LRRIQ3: variants seen among roughly 807,000 people sequenced by gnomAD.
LRRIQ3 encodes the protein leucine-rich repeat and IQ domain-containing protein 3.
Under a neutral mutation model 59.3 loss-of-function variants are expected in LRRIQ3, and 75 were observed. The ratio of observed to expected loss-of-function variants is 1.26; its 90% CI spans 1.05 to 1.53. The LOEUF is 1.53. Among genes scored for constraint, LRRIQ3 ranks in the 40% most tolerant of loss-of-function variants. LRRIQ3 has a pLI of 0.00. For missense variants in LRRIQ3, 831 were observed against 710.0 expected (o/e 1.17, Z -1.94); for synonymous variants, 250 against 231.3 (o/e 1.08, Z -0.73).
intron 1 of LRRIQ3, among the ~76,000 whole-genome samples, chr1:74,187,983 C>A (rs1395623669): frequency 6.6e-6 from 1 of 152,048 alleles, no homozygotes; most frequent in Non-Finnish European, 1.5e-5. Context: ...GTTCACTGCA[C>A]CACTATTCAC....
chr1:74,066,600 T>C (rs1451841723), intron 6 of LRRIQ3, among the ~76,000 whole-genome samples: 1 of 152,174 alleles, frequency 6.6e-6, no homozygotes, highest in Admixed American at 6.6e-5. Flanking sequence ...AGTATACACA[T>C]GTGCTAGACT....
intron 5 of LRRIQ3, among the ~76,000 whole-genome samples, chr1:74,084,907 G>A (rs777402178): frequency 2.6e-4 from 39 of 151,532 alleles, no homozygotes; most frequent in Non-Finnish European, 4.4e-4. Context: ...TAATGACCAC[G>A]GTACTGGTAA....
chr1:74,106,166 A>G (rs929496185), intron 5 of LRRIQ3, among the ~76,000 whole-genome samples: 2 of 152,084 alleles, frequency 1.3e-5, no homozygotes, highest in Non-Finnish European at 2.9e-5. Context: ...TAAGAAAAAG[A>G]TTAGATCATT....
chr1:74,141,950 G>C (rs1647272725), intron 4 of LRRIQ3, among the ~76,000 whole-genome samples: 1 of 150,988 alleles, frequency 6.6e-6, no homozygotes, highest in Admixed American at 6.6e-5. Context: ...TAAAGGTGCT[G>C]AATAATATTA....
chr1:74,091,170 G>C (rs2100516913), intron 5 of LRRIQ3, among the ~76,000 whole-genome samples: 1 of 152,144 alleles, frequency 6.6e-6, no homozygotes, highest in South Asian at 2.1e-4. Context: ...AACTCACACA[G>C]CTACAGCATG....
intron 4 of LRRIQ3, among the ~76,000 whole-genome samples, chr1:74,114,117 C>G (rs1327593367): frequency 6.6e-6 from 1 of 151,724 alleles, no homozygotes; most frequent in Non-Finnish European, 1.5e-5. Context: ...CAGGTGAGAG[C>G]AAGTTGGAAT....
intron 5 of LRRIQ3, chr1:74,081,943 G>A (rs914868602): frequency 6.6e-5 from 10 of 151,356 alleles, no homozygotes; most frequent in African/African-American, 2.2e-4. Context: ...CTCTCTCTGA[G>A]GACTGAGGTT....
intron 4 of LRRIQ3, among the ~76,000 whole-genome samples, chr1:74,119,955 G>C (rs1646829048): frequency 6.6e-6 from 1 of 152,050 alleles, no homozygotes; most frequent in South Asian, 2.1e-4. Context: ...ACAAAAACAA[G>C]ATTGTAATTG....
Position 74,060,768 on chromosome 1 carries a change from G to T in LRRIQ3, c.997+13893C>A, listed in dbSNP as rs575194593. On this transcript the variant is annotated intron_variant, in intron 6 of 7. Coordinates refer to ENST00000354431, the MANE Select transcript of LRRIQ3 (RefSeq NM_001105659.2). ...TGCCACCAAGGGACCAGGACATCAG[G>T]AAGACCGGTGCACTCCAAGCAGATC... 6.8e-4 allele frequency among the ~76,000 whole-genome samples: 103 copies of T among 152,168 alleles called. 1 individual carries two copies. The highest frequency in any genetic ancestry group is 2.1e-3 in the Admixed American group (32 of 15,252).
intron 5 of LRRIQ3, among the ~76,000 whole-genome samples, chr1:74,101,062 A>T (rs1473182609): frequency 6.6e-6 from 1 of 152,222 alleles, no homozygotes; most frequent in East Asian, 1.9e-4. Flanking sequence ...GACAAATGGG[A>T]TCTAATTGAA....
chr1:74,081,935 C>G (rs989153637), intron 5 of LRRIQ3: 19 of 151,440 alleles, frequency 1.3e-4, no homozygotes, highest in African/African-American at 3.6e-4. Context: ...AAAAATTACT[C>G]TCTCTGAGGA....
intron 6 of LRRIQ3, among the ~76,000 whole-genome samples, chr1:74,060,774 C>T (rs759135644): frequency 9.2e-5 from 14 of 151,938 alleles, no homozygotes; most frequent in East Asian, 3.9e-4. Context: ...TCAGGAAGAC[C>T]GGTGCACTCC....
chr1:74,183,356 C>A (rs889140177), intron 2 of LRRIQ3, 80 bp downstream of exon 2: 2 of 1,216,206 alleles, frequency 1.6e-6, no homozygotes, highest in East Asian at 5.2e-5. Flanking sequence ...TGAAGAAATA[C>A]TGTGGATAGG....
At chr1:74,150,162 T>C (rs1254109629) in intron 4 of LRRIQ3, among the ~76,000 whole-genome samples, 1 of 152,128 alleles carries the variant, frequency 6.6e-6, no homozygotes, top group Non-Finnish European at 1.5e-5. Context: ...CTGGCAGCCA[T>C]TTTGACCATA....
At chr1:74,101,750 T>C (rs1387720374) in intron 5 of LRRIQ3, among the ~76,000 whole-genome samples, 1 of 152,134 alleles carries the variant, frequency 6.6e-6, no homozygotes, top group Non-Finnish European at 1.5e-5. Context: ...TGAGTTCATG[T>C]CCTTTGGAGG....
At chr1:74,039,905 CATG>C (rs905130766) in intron 7 of LRRIQ3, among the ~76,000 whole-genome samples, 42 of 152,104 alleles carry the variant, frequency 2.8e-4, no homozygotes, top group Non-Finnish European at 5.3e-4. Flanking sequence ...CAGATAGCAT[CATG>C]ATGACAGGAT....
intron 7 of LRRIQ3, among the ~76,000 whole-genome samples, chr1:74,036,738 T>C (rs140547468): frequency 1.3e-5 from 2 of 152,184 alleles, no homozygotes; most frequent in Non-Finnish European, 2.9e-5. Context: ...GTAAGAGAAC[T>C]CTTCAAGAGC....
At position 74,175,958 on chromosome 1, in the gene LRRIQ3, GAAC is replaced by G. The variant is rs752819538; in HGVS notation, c.573+6577_573+6579del. Among the ~76,000 whole-genome samples, 201 of 152,096 alleles carry G rather than the reference GAAC, an allele frequency of 1.3e-3. 1 individual carries two copies. The highest frequency in any genetic ancestry group is 1.2e-3 in the Non-Finnish European group (80 of 67,980). ...TAAGTATACATTCTATATATATTTA[GAAC>G]AACCTGAGACAGTGTTATAATTTTT... On this transcript the variant is annotated intron_variant, in intron 3 of 7. Coordinates refer to ENST00000354431, the MANE Select transcript of LRRIQ3 (RefSeq NM_001105659.2).
At chr1:74,135,134 T>C (rs934722294) in intron 4 of LRRIQ3, among the ~76,000 whole-genome samples, 1 of 151,870 alleles carries the variant, frequency 6.6e-6, no homozygotes, top group Non-Finnish European at 1.5e-5. Context: ...GACTTTAAGA[T>C]AAAATATGTT....
Sources: gnomAD v4.1 joint callset for allele counts (sites outside exome capture counted in the v4.1 genomes callset) on GRCh38, gnomAD v4.1.1 for gene constraint, MANE v1.5 for transcripts, NCBI Gene and HGNC (gene_info 2026-07-23, HGNC 2026-07-21) for gene names.